The following AVEN variants were observed in gnomAD, a reference collection of about 807,000 sequenced individuals.
The protein encoded by AVEN is cell death regulator Aven.
Under a neutral mutation model 38.1 loss-of-function variants are expected in AVEN, and 41 were observed. The ratio of observed to expected loss-of-function variants is 1.08; its 90% CI spans 0.84 to 1.40. The LOEUF (loss-of-function observed/expected upper bound fraction) is 1.40, where lower values mean the gene tolerates loss of function less well. Ranked by LOEUF, AVEN falls within the 40% of genes most tolerant of loss-of-function variation. The pLI is 0.00. For synonymous variants in AVEN, 206 were observed against 171.8 expected, an observed-to-expected ratio of 1.20 and a Z score of -1.56; for missense variants, 605 against 438.8, an observed-to-expected ratio of 1.38 and a Z score of -3.38.
chr15:33,868,713 G>A (rs1311832836), intron 4 of AVEN, among the ~76,000 whole-genome samples: 1 of 152,164 alleles, frequency 6.6e-6, no homozygotes, highest in Non-Finnish European at 1.5e-5. Context: ...GATTGTATTT[G>A]TAAAAAGTTC....
chr15:33,894,892 C>T (rs568439702), intron 2 of AVEN, among the ~76,000 whole-genome samples: 6 of 150,222 alleles, frequency 4.0e-5, no homozygotes, highest in African/African-American at 1.5e-4. Flanking sequence ...TCTGTTTCCA[C>T]ACAACTTTTT....
chr15:33,931,664 C>T (rs900908117), intron 2 of AVEN, among the ~76,000 whole-genome samples: 5 of 152,004 alleles, frequency 3.3e-5, no homozygotes, highest in Non-Finnish European at 4.4e-5. Flanking sequence ...CCACCGCGCC[C>T]GGCCTGAATA....
intron 2 of AVEN, among the ~76,000 whole-genome samples, chr15:33,968,392 G>A (rs1895480230): frequency 6.6e-6 from 1 of 152,038 alleles, no homozygotes; most frequent in Admixed American, 6.6e-5. Flanking sequence ...TTCCTTTCAG[G>A]ATATACTGCT....
At chr15:33,903,027 C>T (rs1892551584) in intron 2 of AVEN, among the ~76,000 whole-genome samples, 1 of 152,148 alleles carries the variant, frequency 6.6e-6, no homozygotes, top group Non-Finnish European at 1.5e-5. Context: ...TCCTTAGCAT[C>T]CCTCACCTTA....
intron 2 of AVEN, among the ~76,000 whole-genome samples, chr15:33,891,340 G>C (rs879497924): frequency 6.6e-6 from 1 of 152,174 alleles, no homozygotes; most frequent in Middle Eastern, 3.4e-3. Flanking sequence ...CCATTAACTC[G>C]TCATTTACAT....
chr15:33,980,597 T>C (rs1896094037), intron 2 of AVEN, among the ~76,000 whole-genome samples: 1 of 141,510 alleles, frequency 7.1e-6, no homozygotes, highest in African/African-American at 2.5e-5. Flanking sequence ...TATTAAAGCC[T>C]TGGGCACTAC....
downstream of AVEN, chr15:33,865,806 G>C (rs1180186506): frequency 6.6e-6 from 1 of 152,654 alleles, no homozygotes; most frequent in African/African-American, 2.4e-5. Flanking sequence ...AGCTATGCAA[G>C]TTTTTTATGT....
rs140296752 is a variant in AVEN, at chr15:34,014,690, C to T, written c.268-11481G>A. Among the ~76,000 whole-genome samples the T allele has an allele frequency of 2.0e-3, 298 of 152,296 alleles. 1 individual carries two copies. Among genetic ancestry groups the T allele is most frequent in the African/African-American group, 6.7e-3 (278 of 41,560 alleles). Reference sequence around the variant, plus strand: ...CCCAAAACAAACAACAGGCACTCAACTGGAAAGTTCAGCGGGCCCATCTGG... The same window carrying T: ...CCCAAAACAAACAACAGGCACTCAATTGGAAAGTTCAGCGGGCCCATCTGG... On this transcript the variant is annotated intron_variant, in intron 1 of 5. Transcript: ENST00000306730.
At chr15:33,916,503 G>C (rs1341445760) in intron 2 of AVEN, among the ~76,000 whole-genome samples, 6 of 152,014 alleles carry the variant, frequency 3.9e-5, no homozygotes. Context: ...AAAAAACAAA[G>C]AATCCCATCA....
chr15:34,028,186 AAAT>A (rs1461913356), intron 1 of AVEN, among the ~76,000 whole-genome samples: 3 of 152,240 alleles, frequency 2.0e-5, no homozygotes, highest in Non-Finnish European at 2.9e-5. Flanking sequence ...CATATTCCAT[AAAT>A]AATAAGATTC....
At chr15:33,854,463 C>G (rs774132009), downstream of AVEN, 3 of 1,551,852 alleles carry the variant, frequency 1.9e-6, no homozygotes, top group South Asian at 3.6e-5. Flanking sequence ...AGTACTGCAC[C>G]TGGAAAAACA....
In AVEN at chr15:33,894,708, G is replaced by A. The variant is rs535629436; in HGVS notation, c.446-18713C>T. Among the ~76,000 whole-genome samples, 19 of 128,694 alleles carry A rather than the reference G, an allele frequency of 1.5e-4. 1 individual carries two copies. Among genetic ancestry groups the A allele is most frequent in the Middle Eastern group, 3.7e-3 (1 of 272 alleles). The allele number at this position is 128,694 out of a possible 152,430, so 84.4% of individuals were successfully genotyped here. ...ACCTGTAGTCCCAGCTACTCAGCAG[G>A]CTGAGGCAGGAGAATGGCGTGAACC... On this transcript the variant is annotated intron_variant, in intron 2 of 5. Coordinates refer to ENST00000306730, the MANE Select transcript of AVEN (RefSeq NM_020371.3).
At chr15:34,008,954 G>GCGCA (rs1481359332) in intron 1 of AVEN, among the ~76,000 whole-genome samples, 91 of 103,202 alleles carry the variant, frequency 8.8e-4, no homozygotes, top group African/African-American at 2.3e-3. Flanking sequence ...GTGCGCGCGC[G>GCGCA]CACACACACA....
intron 2 of AVEN, among the ~76,000 whole-genome samples, chr15:33,886,171 C>G (rs1891690285): frequency 6.6e-6 from 1 of 152,142 alleles, no homozygotes; most frequent in South Asian, 2.1e-4. Context: ...GGCTCTGTCC[C>G]CACCCAAATC....
intron 2 of AVEN, among the ~76,000 whole-genome samples, chr15:33,971,074 G>GA (rs200479383): frequency 4.6e-5 from 7 of 150,922 alleles, no homozygotes; most frequent in East Asian, 1.9e-4. Context: ...CATGTAGGGT[G>GA]AAAAAAAAAT....
chr15:34,062,491 C>T (rs1427340000), intron 5 of AVEN, among the ~76,000 whole-genome samples: 21 of 138,216 alleles, frequency 1.5e-4, no homozygotes, highest in African/African-American at 5.6e-4. Context: ...GGAGGCGGAG[C>T]TTGTAGAGAG....
At chr15:34,065,298 C>T (rs759420090) in intron 4 of AVEN, 2 of 152,176 alleles carry the variant, frequency 1.3e-5, no homozygotes, top group Non-Finnish European at 2.9e-5. Context: ...GCTTTCTAAT[C>T]TCTTCACAGG....
intron 1 of AVEN, among the ~76,000 whole-genome samples, chr15:34,014,066 A>T (rs758040499): frequency 6.6e-6 from 1 of 152,040 alleles, no homozygotes; most frequent in Non-Finnish European, 1.5e-5. Context: ...AATTTTAAAA[A>T]AGAAAAACAC....
chr15:33,862,801 G>C (rs1218517131), downstream of AVEN, among the ~76,000 whole-genome samples: 1 of 152,124 alleles, frequency 6.6e-6, no homozygotes, highest in Non-Finnish European at 1.5e-5. Flanking sequence ...AGTAGAGACA[G>C]GGTTTCACCG....
Sources: allele counts gnomAD v4.1 joint callset (sites outside exome capture counted in the v4.1 genomes callset), GRCh38; gene constraint gnomAD v4.1.1; transcripts MANE v1.5; gene names NCBI Gene and HGNC (gene_info 2026-07-23, HGNC 2026-07-21).